HECW1: variants seen among roughly 807,000 people sequenced by gnomAD.
HECW1 encodes HECT, C2 and WW domain containing E3 ubiquitin protein ligase 1.
In HECW1, 61 loss-of-function variants were observed where a neutral mutation model predicts 182.3. The ratio of observed to expected loss-of-function variants is 0.33; its 90% confidence interval spans 0.27 to 0.41. The LOEUF (loss-of-function observed/expected upper bound fraction) is 0.41, where lower values mean the gene tolerates loss of function less well. Ranked by LOEUF, HECW1 falls within the 10% of genes least tolerant of loss-of-function variation. The pLI is 1.00. For missense variants in HECW1, 1,739 were observed against 2,108.9 expected, an observed-to-expected ratio of 0.82 and a Z score of 3.44; for synonymous variants, 859 against 832.6, an observed-to-expected ratio of 1.03 and a Z score of -0.55.
chr7:43,298,546 G>A (rs762911704), intron 3 of HECW1, among the ~76,000 whole-genome samples: 6 of 152,290 alleles, frequency 3.9e-5, no homozygotes, highest in South Asian at 4.1e-4. Flanking sequence ...TCTGATAACC[G>A]ATGGCAATGA....
chr7:43,517,085 G>A (rs2080190422), intron 24 of HECW1, among the ~76,000 whole-genome samples: 1 of 152,184 alleles, frequency 6.6e-6, no homozygotes. Flanking sequence ...ATCATTTTAA[G>A]AAACGACTAC....
chr7:43,303,833 C>T (rs577125492), intron 3 of HECW1, among the ~76,000 whole-genome samples: 13 of 152,234 alleles, frequency 8.5e-5, no homozygotes, highest in African/African-American at 2.9e-4. Flanking sequence ...AGAGCCCCTA[C>T]ACCCGCCCCT....
intron 2 of HECW1, among the ~76,000 whole-genome samples, chr7:43,176,901 A>G (rs772228001): frequency 2.6e-5 from 4 of 152,148 alleles, no homozygotes; most frequent in Non-Finnish European, 5.9e-5. Context: ...CTGCATTGCA[A>G]TTACGAAGCA....
chr7:43,162,266 T>C (rs189065487), intron 2 of HECW1, among the ~76,000 whole-genome samples: 9 of 152,364 alleles, frequency 5.9e-5, no homozygotes, highest in African/African-American at 2.2e-4. Flanking sequence ...CTTAAAACAA[T>C]AGAAATGTAT....
chr7:43,214,948 G>A (rs1016841370), intron 2 of HECW1, among the ~76,000 whole-genome samples: 17 of 152,364 alleles, frequency 1.1e-4, no homozygotes, highest in East Asian at 3.9e-4. Flanking sequence ...CCCAGTCAGC[G>A]TCCCAGGACC....
intron 7 of HECW1, among the ~76,000 whole-genome samples, chr7:43,401,651 C>T (rs1164681162): frequency 7.0e-6 from 1 of 143,682 alleles, no homozygotes; most frequent in East Asian, 2.1e-4. Flanking sequence ...AAGAACAATC[C>T]TCATGCTAAT....
intron 5 of HECW1, among the ~76,000 whole-genome samples, chr7:43,347,713 C>T (rs918605043): frequency 6.6e-6 from 1 of 151,904 alleles, no homozygotes; most frequent in Non-Finnish European, 1.5e-5. Flanking sequence ...TGACGATTTT[C>T]CTGAAAGTTT....
intron 15 of HECW1, among the ~76,000 whole-genome samples, chr7:43,468,559 T>C (rs2077885321): frequency 6.6e-6 from 1 of 152,066 alleles, no homozygotes; most frequent in African/African-American, 2.4e-5. Flanking sequence ...CCTTGCTCTG[T>C]TGTCCAGGCT....
intron 27 of HECW1, 135 bp downstream of exon 27, chr7:43,550,726 C>T: frequency 2.4e-6 from 2 of 821,856 alleles, no homozygotes; most frequent in Non-Finnish European, 3.8e-6. Flanking sequence ...GGGCAGTGGG[C>T]TCAGCGAGTG....
chr7:43,180,251 G>C (rs1443651611), intron 2 of HECW1, among the ~76,000 whole-genome samples: 1 of 152,198 alleles, frequency 6.6e-6, no homozygotes, highest in East Asian at 1.9e-4. Context: ...TGGCTCCTGG[G>C]ACAAGCTGTG....
chr7:43,267,260 A>T (rs778651545), intron 3 of HECW1, among the ~76,000 whole-genome samples: 5 of 152,190 alleles, frequency 3.3e-5, no homozygotes, highest in Non-Finnish European at 4.4e-5. Flanking sequence ...AAATTTCAAA[A>T]AGGAGAAATT....
intron 4 of HECW1, among the ~76,000 whole-genome samples, chr7:43,317,796 T>C (rs1384383035): frequency 2.7e-5 from 4 of 148,204 alleles, no homozygotes; most frequent in African/African-American, 1.0e-4. Context: ...CAAAATATAC[T>C]TTTTTCTCAT....
intron 6 of HECW1, among the ~76,000 whole-genome samples, chr7:43,395,106 G>A (rs1333718311): frequency 1.3e-5 from 2 of 152,052 alleles, no homozygotes; most frequent in Non-Finnish European, 2.9e-5. Context: ...CTCAAACACT[G>A]ATCTCAGGAG....
intron 19 of HECW1, among the ~76,000 whole-genome samples, chr7:43,494,383 T>C (rs2079039415): frequency 6.6e-6 from 1 of 152,118 alleles, no homozygotes; most frequent in Admixed American, 6.6e-5. Flanking sequence ...GGGTTTCTCC[T>C]AAAATATTCC....
chr7:43,157,723 G>C (rs1790038927), intron 2 of HECW1, among the ~76,000 whole-genome samples: 1 of 152,068 alleles, frequency 6.6e-6, no homozygotes, highest in Non-Finnish European at 1.5e-5. Flanking sequence ...ACCAAACCTG[G>C]CTAATTTTTC....
At chr7:43,451,419 A>G (rs1020579209) in intron 12 of HECW1, among the ~76,000 whole-genome samples, 4 of 152,186 alleles carry the variant, frequency 2.6e-5, no homozygotes, top group African/African-American at 7.2e-5. Context: ...AATAGCTTCA[A>G]ATTTCTTCTG....
At chr7:43,260,900 T>A (rs192939205) in intron 3 of HECW1, among the ~76,000 whole-genome samples, 67 of 152,366 alleles carry the variant, frequency 4.4e-4, no homozygotes, top group Non-Finnish European at 1.9e-4. Context: ...ACATAGTGCC[T>A]ATTGTGTGCC....
intron 2 of HECW1, among the ~76,000 whole-genome samples, chr7:43,237,184 G>T (rs1259260074): frequency 7.0e-6 from 1 of 143,498 alleles, no homozygotes; most frequent in Non-Finnish European, 1.5e-5. Context: ...TAGGTAGGTA[G>T]GTAGGTAAAG....
At chr7:43,333,669 A>T (rs1486757631) in intron 5 of HECW1, among the ~76,000 whole-genome samples, 1 of 152,204 alleles carries the variant, frequency 6.6e-6, no homozygotes, top group African/African-American at 2.4e-5. Context: ...CATGAGACTT[A>T]TGCTGAAGGA....
Sources: gnomAD v4.1 joint callset for allele counts (sites outside exome capture counted in the v4.1 genomes callset) on GRCh38, gnomAD v4.1.1 for gene constraint, MANE v1.5 for transcripts, NCBI Gene and HGNC (gene_info 2026-07-23, HGNC 2026-07-21) for gene names.